Variants in FAM83B observed in about 807,000 individuals in gnomAD.
The protein encoded by FAM83B is scaffolding CK1 anchoring protein B, also known as protein FAM83B.
In FAM83B, 26 loss-of-function variants were observed where a neutral mutation model predicts 38.8. The ratio of observed to expected loss-of-function variants is 0.67; its 90% CI spans 0.49 to 0.93. The LOEUF is 0.93. Ranked by LOEUF, FAM83B falls within the 40% of genes least tolerant of loss-of-function variation. The pLI is 0.00. For synonymous variants in FAM83B, 419 were observed against 423.1 expected (o/e 0.99, Z 0.12); for missense variants, 1,237 against 1,197.3 (o/e 1.03, Z -0.49).
intron 2 of FAM83B, among the ~76,000 whole-genome samples, chr6:54,882,047 AATG>A (rs987499089): frequency 1.8e-4 from 27 of 152,088 alleles, no homozygotes; most frequent in African/African-American, 6.3e-4. Context: ...GTTTGCTGAG[AATG>A]ATGGTTTCCA....
intron 2 of FAM83B, among the ~76,000 whole-genome samples, chr6:54,913,935 G>A (rs1481863206): frequency 6.6e-6 from 1 of 151,252 alleles, no homozygotes; most frequent in Non-Finnish European, 1.5e-5. Flanking sequence ...TACCCCATGT[G>A]TAATTATCAA....
chr6:54,850,701 C>T (rs904847551), intron 1 of FAM83B, among the ~76,000 whole-genome samples: 1 of 152,122 alleles, frequency 6.6e-6, no homozygotes, highest in African/African-American at 2.4e-5. Flanking sequence ...TCTCATAAGA[C>T]TCATTCAACA....
At chr6:54,893,361 A>G (rs1772448030) in intron 2 of FAM83B, among the ~76,000 whole-genome samples, 1 of 152,110 alleles carries the variant, frequency 6.6e-6, no homozygotes, top group East Asian at 1.9e-4. Flanking sequence ...TATTGTGGTT[A>G]TTTGTTAATA....
At chr6:54,888,023 T>G (rs958149969) in intron 2 of FAM83B, among the ~76,000 whole-genome samples, 6 of 151,050 alleles carry the variant, frequency 4.0e-5, no homozygotes, top group South Asian at 4.1e-4. Context: ...TTTTGTTTTT[T>G]TTTTTTTCTG....
rs953618925 is a variant in FAM83B at position 54,851,031 on chromosome 6, A to C, written c.-61+4205A>C. ...AGACTCATCTCAAAAAAAAAAAAAA[A>C]AAAAAAAGTGCTGTATTTTTCTCAA... On this transcript the variant is annotated intron_variant, in intron 1 of 4. Transcript: ENST00000306858. 2.6e-5 allele frequency among the ~76,000 whole-genome samples: 4 copies of C among 151,876 alleles called. No homozygotes were observed. In the South Asian group the frequency reaches 6.2e-4, roughly 24 times the overall value.
At chr6:54,861,690 A>G (rs1201985119) in intron 1 of FAM83B, among the ~76,000 whole-genome samples, 1 of 152,206 alleles carries the variant, frequency 6.6e-6, no homozygotes, top group African/African-American at 2.4e-5. Flanking sequence ...AATGGCCCCA[A>G]ATCTAGTTGG....
chr6:54,904,336 A>G (rs917942831), intron 2 of FAM83B, among the ~76,000 whole-genome samples: 1 of 152,166 alleles, frequency 6.6e-6, no homozygotes, highest in Non-Finnish European at 1.5e-5. Flanking sequence ...ATGATCTTCC[A>G]CAAGTTCTAA....
intron 2 of FAM83B, among the ~76,000 whole-genome samples, chr6:54,887,910 A>G (rs1348584297): frequency 1.3e-5 from 2 of 151,682 alleles, no homozygotes; most frequent in Non-Finnish European, 2.9e-5. Context: ...TTATATTTTT[A>G]AAAATTAACT....
At chr6:54,846,507 G>A (rs1316348607), upstream of FAM83B, among the ~76,000 whole-genome samples, 2 of 152,240 alleles carry the variant, frequency 1.3e-5, no homozygotes, top group African/African-American at 4.8e-5. Context: ...AGGAAAGAAA[G>A]GCTTTTTCAT....
In FAM83B at chr6:54,926,431, G is replaced by A. The variant is rs1352606315; in HGVS notation, c.505G>A (p.Ala169Thr). 1.9e-6 allele frequency: 3 copies of A among 1,608,788 alleles called. No individual in the cohort carries two copies. Among genetic ancestry groups the A allele is most frequent in the Non-Finnish European group, 1.7e-6 (2 of 1,176,354 alleles). The change falls in exon 3 of 5, where the codon GCA becomes ACA. Residue 169 changes from alanine to threonine, a missense_variant. Coordinates refer to ENST00000306858, the MANE Select transcript of FAM83B (RefSeq NM_001010872.3). ...GGACATTTTCAAAGAAATCGTTGAG[G>A]CATCAACTCGAGGAGTATCTGTTTA... is the stretch of plus-strand genomic sequence containing the variant. ...DVDIFKEIVE[A>T]STRGVSVYIL...
chr6:54,864,685 A>G (rs1434313102), intron 1 of FAM83B, among the ~76,000 whole-genome samples: 1 of 152,208 alleles, frequency 6.6e-6, no homozygotes, highest in African/African-American at 2.4e-5. Flanking sequence ...GTTATCTTAA[A>G]TTTCTGGTAA....
chr6:54,895,182 A>G (rs2127581093), intron 2 of FAM83B, among the ~76,000 whole-genome samples: 1 of 152,356 alleles, frequency 6.6e-6, no homozygotes, highest in East Asian at 1.9e-4. Context: ...TGGGGAAACA[A>G]CATCCAAAAC....
intron 2 of FAM83B, among the ~76,000 whole-genome samples, chr6:54,897,307 A>G (rs2127581543): frequency 6.6e-6 from 1 of 152,200 alleles, no homozygotes; most frequent in East Asian, 1.9e-4. Flanking sequence ...CTAAAACAAT[A>G]TATATAATCT....
chr6:54,935,764 TA>T (rs958995401), intron 4 of FAM83B, among the ~76,000 whole-genome samples: 4 of 152,014 alleles, frequency 2.6e-5, no homozygotes, highest in African/African-American at 9.7e-5. Context: ...ATGCTAAGAC[TA>T]GGGTGATAGT....
rs866113085 is a variant in FAM83B at position 54,940,726 on chromosome 6, G to A, written c.1755G>A (p.Thr585=). 8.7e-6 allele frequency: 14 copies of A among 1,613,854 alleles called. No homozygotes were observed. The highest frequency in any genetic ancestry group is 2.7e-5 in the African/African-American group (2 of 74,884). Reference sequence around the variant, plus strand: ...CTAAAGAGGTCCCAGACACCCCTACGAATGTACAGCATTTGACAGACAAAC... The same window carrying A: ...CTAAAGAGGTCCCAGACACCCCTACAAATGTACAGCATTTGACAGACAAAC... ...ETPKEVPDTP[T]NVQHLTDKPL... Residue 585 remains threonine, a synonymous_variant, in exon 5 of 5, where the codon ACG becomes ACA. Coordinates refer to ENST00000306858, the MANE Select transcript of FAM83B (RefSeq NM_001010872.3).
At chr6:54,929,122 C>A (rs984209715) in intron 4 of FAM83B, among the ~76,000 whole-genome samples, 1 of 152,070 alleles carries the variant, frequency 6.6e-6, no homozygotes, top group African/African-American at 2.4e-5. Flanking sequence ...AAATATATTT[C>A]TTTAAATAAT....
At chr6:54,915,800 G>A (rs1373219651) in intron 2 of FAM83B, among the ~76,000 whole-genome samples, 2 of 65,160 alleles carry the variant, frequency 3.1e-5, no homozygotes, top group East Asian at 2.8e-4. Context: ...GCGACAGAGC[G>A]AGACTCCGTC....
At chr6:54,862,947 CA>C (rs1010679724) in intron 1 of FAM83B, among the ~76,000 whole-genome samples, 2 of 151,476 alleles carry the variant, frequency 1.3e-5, no homozygotes, top group African/African-American at 2.4e-5. Context: ...TTTATTGGTG[CA>C]AAAAAATAAA....
chr6:54,930,927 T>C (rs1773406177), intron 4 of FAM83B, among the ~76,000 whole-genome samples: 1 of 152,156 alleles, frequency 6.6e-6, no homozygotes, highest in African/African-American at 2.4e-5. Context: ...TTTTAATATA[T>C]GTATTTACAC....
Sources: allele counts gnomAD v4.1 joint callset (sites outside exome capture counted in the v4.1 genomes callset), GRCh38; gene constraint gnomAD v4.1.1; transcripts MANE v1.5; gene names NCBI Gene and HGNC (gene_info 2026-07-23, HGNC 2026-07-21).